KIAA1217: variants seen among roughly 807,000 people sequenced by gnomAD.
KIAA1217 encodes sickle tail protein homolog.
A neutral mutation model predicts 163.9 loss-of-function variants in KIAA1217; 88 were observed. That is an observed-to-expected ratio of 0.54 (90% CI 0.45 to 0.64). The LOEUF (loss-of-function observed/expected upper bound fraction) is 0.64. KIAA1217 is among the 30% of genes least tolerant of loss of function. KIAA1217 has a pLI of 0.00. For synonymous variants in KIAA1217, 903 were observed against 923.1 expected (o/e 0.98, Z 0.39); for missense variants, 2,372 against 2,475.0 (o/e 0.96, Z 0.88).
chr10:24,160,622 G>A (rs149494688), intron 2 of KIAA1217, among the ~76,000 whole-genome samples: 1 of 152,210 alleles, frequency 6.6e-6, no homozygotes, highest in East Asian at 1.9e-4. Flanking sequence ...CTCTAAAGAA[G>A]TTCTGCAAAT....
intron 1 of KIAA1217, among the ~76,000 whole-genome samples, chr10:23,737,211 T>A (rs1008781848): frequency 3.3e-5 from 5 of 151,966 alleles, no homozygotes; most frequent in African/African-American, 4.8e-5. Flanking sequence ...ATTAACATAT[T>A]TTTTTTTGAG....
At chr10:23,829,499 A>G (rs1335525714) in intron 1 of KIAA1217, among the ~76,000 whole-genome samples, 1 of 152,238 alleles carries the variant, frequency 6.6e-6, no homozygotes, top group Admixed American at 6.5e-5. Flanking sequence ...CTGGAATTTC[A>G]GTAAGATTCA....
At position 23,888,905 on chromosome 10, in the gene KIAA1217, G is replaced by A. The variant is rs538886665; in HGVS notation, c.-320-118320G>A. Among the ~76,000 whole-genome samples, 3 of 151,882 alleles carry A rather than the reference G, an allele frequency of 2.0e-5. No homozygotes were observed. The East Asian group carries it at 5.9e-4, about 30-fold the overall frequency. On this transcript the variant is annotated intron_variant, in intron 1 of 18. Coordinates refer to the KIAA1217 transcript ENST00000376462. ...ATCTGACATTTAGCACTAGTGATTA[G>A]TTTTCCCTCTTTTAGAGCATTATAC...
chr10:23,745,161 C>T (rs957898715), intron 1 of KIAA1217, among the ~76,000 whole-genome samples: 2 of 152,168 alleles, frequency 1.3e-5, no homozygotes, highest in Non-Finnish European at 2.9e-5. Flanking sequence ...TCTTGATTGT[C>T]TTTTGTTGCC....
At chr10:24,462,182 T>G (rs2062477490) in intron 5 of KIAA1217, among the ~76,000 whole-genome samples, 1 of 151,116 alleles carries the variant, frequency 6.6e-6, no homozygotes. Flanking sequence ...TACTGATATA[T>G]CTATTAAATA....
At chr10:24,141,225 A>ACCCCC (rs34205608) in intron 2 of KIAA1217, among the ~76,000 whole-genome samples, 12 of 76,310 alleles carry the variant, frequency 1.6e-4, no homozygotes, top group Non-Finnish European at 2.4e-4. Context: ...GAAAGAATAA[A>ACCCCC]CCCCCCCCCC....
intron 1 of KIAA1217, among the ~76,000 whole-genome samples, chr10:23,699,822 T>G (rs1588620689): frequency 6.6e-6 from 1 of 152,174 alleles, no homozygotes; most frequent in East Asian, 1.9e-4. Context: ...TTTTATTTGT[T>G]TTGTTTTATA....
At chr10:24,425,829 C>G (rs2059127890) in intron 3 of KIAA1217, among the ~76,000 whole-genome samples, 1 of 152,352 alleles carries the variant, frequency 6.6e-6, no homozygotes. Flanking sequence ...ATGGTATCAA[C>G]TTACTTTCCC....
intron 2 of KIAA1217, among the ~76,000 whole-genome samples, chr10:24,258,227 G>A (rs983483532): frequency 1.3e-5 from 2 of 152,100 alleles, no homozygotes; most frequent in Non-Finnish European, 2.9e-5. Context: ...TTATATACCA[G>A]ATTCTGGATG....
chr10:24,357,807 G>T (rs1318405097), intron 2 of KIAA1217, among the ~76,000 whole-genome samples: 2 of 152,184 alleles, frequency 1.3e-5, no homozygotes, highest in Non-Finnish European at 2.9e-5. Context: ...ACGCATAGGG[G>T]AGTCGGGGTG....
At chr10:23,702,027 G>T (rs994273247) in intron 1 of KIAA1217, among the ~76,000 whole-genome samples, 2 of 152,110 alleles carry the variant, frequency 1.3e-5, no homozygotes, top group African/African-American at 2.4e-5. Context: ...AGTACTTGTA[G>T]GTTACCAGGT....
At chr10:24,389,558 AAAAAG>A (rs1027027469) in intron 3 of KIAA1217, among the ~76,000 whole-genome samples, 37 of 151,934 alleles carry the variant, frequency 2.4e-4, no homozygotes, top group African/African-American at 8.0e-4. Context: ...AATAAAAAAA[AAAAAG>A]AAAGAAAGAA....
chr10:24,071,462 T>C (rs2061183809), intron 2 of KIAA1217, among the ~76,000 whole-genome samples: 1 of 152,170 alleles, frequency 6.6e-6, no homozygotes, highest in Admixed American at 6.5e-5. Flanking sequence ...AATTGCTTAT[T>C]GAAATCAGAA....
intron 2 of KIAA1217, among the ~76,000 whole-genome samples, chr10:24,237,623 C>A (rs1590130777): frequency 6.6e-6 from 1 of 152,322 alleles, no homozygotes; most frequent in South Asian, 2.1e-4. Flanking sequence ...TGAAGAATAA[C>A]TGTAATTGAA....
At chr10:24,229,222 C>T (rs1212851779) in intron 2 of KIAA1217, among the ~76,000 whole-genome samples, 3 of 152,202 alleles carry the variant, frequency 2.0e-5, no homozygotes, top group Non-Finnish European at 4.4e-5. Context: ...ATACTATACA[C>T]TGTTCAGTAA....
chr10:23,764,309 T>A (rs573959244), intron 1 of KIAA1217, among the ~76,000 whole-genome samples: 1 of 152,166 alleles, frequency 6.6e-6, no homozygotes, highest in African/African-American at 2.4e-5. Context: ...AAACAATAGA[T>A]GTTGGCGAGG....
chr10:24,143,678 A>G (rs573462517), intron 2 of KIAA1217, among the ~76,000 whole-genome samples: 1 of 152,122 alleles, frequency 6.6e-6, no homozygotes, highest in African/African-American at 2.4e-5. Context: ...TGCCTAGTGT[A>G]TCCCATATTC....
chr10:23,713,032 A>G (rs1240543937), intron 1 of KIAA1217, among the ~76,000 whole-genome samples: 2 of 152,114 alleles, frequency 1.3e-5, no homozygotes, highest in Non-Finnish European at 2.9e-5. Flanking sequence ...GAAAGTGTAG[A>G]ATGCCAGATC....
chr10:23,804,087 T>C (rs73604422), intron 1 of KIAA1217, among the ~76,000 whole-genome samples: 1,875 of 152,324 alleles, frequency 0.012, 37 homozygotes, highest in African/African-American at 0.043. Context: ...AACATAGCCA[T>C]AGCCATAGAC....
Sources: allele counts gnomAD v4.1 joint callset (sites outside exome capture counted in the v4.1 genomes callset), GRCh38; gene constraint gnomAD v4.1.1; transcripts MANE v1.5; gene names NCBI Gene and HGNC (gene_info 2026-07-23, HGNC 2026-07-21).